Variants in PABIR3 observed in about 807,000 individuals in gnomAD.
PABIR3 encodes the protein PABIR family member 1.
In PABIR3, 20 loss-of-function variants were observed where a neutral mutation model predicts 23.1. The observed-to-expected ratio is 0.86, with a 90% CI of 0.61 to 1.26. The LOEUF (loss-of-function observed/expected upper bound fraction) is 1.26, where lower values mean the gene tolerates loss of function less well. Among genes scored for constraint, PABIR3 ranks in the 50% most tolerant of loss-of-function variants. The pLI is 0.00. For missense variants in PABIR3, 189 were observed against 195.4 expected (o/e 0.97, Z 0.20); for synonymous variants, 69 against 68.5 (o/e 1.01, Z -0.04).
chrX:134,819,064 G>A (rs1427562834), intron 3 of PABIR3, among the ~76,000 whole-genome samples: 1 of 106,044 alleles, frequency 9.4e-6, no homozygotes, highest in Non-Finnish European at 1.9e-5. Flanking sequence ...AGCCTCCTGA[G>A]TAGCTGGGAC....
chrX:134,864,324 C>A, the PABIR3 span, among the ~76,000 whole-genome samples: 4 of 111,494 alleles, frequency 3.6e-5, no homozygotes, highest in African/African-American at 1.3e-4. Context: ...TGTACCCGGC[C>A]TTATGCAGCT....
At position 134,829,249 on chromosome X, in the gene PABIR3, T is replaced by C. The variant is rs765462417; in HGVS notation, c.213T>C (p.His71=). The C allele has an allele frequency of 3.3e-6, 4 of 1,209,839 alleles. No homozygotes were observed. The South Asian group carries it at 7.0e-5, about 21-fold the overall frequency. ...RSLLLPPPPF[H]GSISRLHQIK... ...AGTTGTTGCCACCTCCTCCCTTTCA[T>C]GGTTCCATCAGCCGCCTTCATCAAA... is the stretch of plus-strand genomic sequence containing the variant. Residue 71 remains histidine, a synonymous_variant, in exon 4 of 11, where the codon CAT becomes CAC. Transcript: ENST00000645433.
chrX:134,835,969 C>T (rs1471245423), intron 4 of PABIR3, among the ~76,000 whole-genome samples: 1 of 112,001 alleles, frequency 8.9e-6, no homozygotes, highest in Non-Finnish European at 1.9e-5. Flanking sequence ...TCCCGAGTAG[C>T]TGGGACTACA....
chrX:134,816,093 A>G (rs2080964006), intron 3 of PABIR3, among the ~76,000 whole-genome samples: 1 of 112,239 alleles, frequency 8.9e-6, no homozygotes, highest in African/African-American at 3.2e-5. Flanking sequence ...GGTATATTAC[A>G]TTGATTTTTT....
upstream of PABIR3, chrX:134,804,191 C>G: frequency 8.7e-7 from 1 of 1,148,779 alleles, no homozygotes; most frequent in African/African-American, 1.8e-5. Context: ...AGCAGTGTCC[C>G]AAGATCATGG....
chrX:134,850,575 T>C (rs757467916), intron 9 of PABIR3, among the ~76,000 whole-genome samples: 3 of 112,235 alleles, frequency 2.7e-5, no homozygotes, highest in Non-Finnish European at 5.6e-5. Flanking sequence ...CAAGGGTCAA[T>C]TGAGTATTTA....
chrX:134,820,147 A>G (rs1479136673), intron 3 of PABIR3, among the ~76,000 whole-genome samples: 1 of 111,151 alleles, frequency 9.0e-6, no homozygotes, highest in African/African-American at 3.3e-5. Flanking sequence ...AAGCTCTTAT[A>G]TATATTTAAA....
intron 2 of PABIR3, among the ~76,000 whole-genome samples, chrX:134,812,482 G>A (rs1426456417): frequency 8.9e-6 from 1 of 112,020 alleles, no homozygotes; most frequent in East Asian, 2.8e-4. Context: ...GTTACTGCCT[G>A]TTATATGCAA....
At chrX:134,821,173 G>A (rs1218384189) in intron 3 of PABIR3, among the ~76,000 whole-genome samples, 1 of 98,382 alleles carries the variant, frequency 1.0e-5, no homozygotes, top group Non-Finnish European at 2.0e-5. Context: ...CTGTGACAGA[G>A]GGCATTGAAG....
At chrX:134,804,776 A>G (rs968916358), upstream of PABIR3, among the ~76,000 whole-genome samples, 7 of 112,464 alleles carry the variant, frequency 6.2e-5, no homozygotes, top group African/African-American at 1.9e-4. Flanking sequence ...TTTTTCTGTT[A>G]TTCAGACAAT....
At chrX:134,807,897 G>A (rs1426023530) in intron 2 of PABIR3, among the ~76,000 whole-genome samples, 189 bp downstream of exon 2, 1 of 111,103 alleles carries the variant, frequency 9.0e-6, no homozygotes, top group Non-Finnish European at 1.9e-5. Context: ...GAGGGGGAGC[G>A]CGCACCCACC....
At chrX:134,829,339 C>T in intron 4 of PABIR3, 57 bp downstream of exon 4, 2 of 1,004,178 alleles carry the variant, frequency 2.0e-6, no homozygotes, top group Non-Finnish European at 2.8e-6. Flanking sequence ...TTTTATTTTT[C>T]TTTGTGAAAA....
chrX:134,824,819 A>C (rs989522005), intron 3 of PABIR3, among the ~76,000 whole-genome samples: 2 of 112,012 alleles, frequency 1.8e-5, no homozygotes, highest in African/African-American at 3.2e-5. Flanking sequence ...AAAAAGAAAA[A>C]AGAAAAAAAA....
intron 10 of PABIR3, 138 bp downstream of exon 10, chrX:134,853,034 T>G (rs1019840172): frequency 7.2e-5 from 25 of 349,216 alleles, no homozygotes; most frequent in Non-Finnish European, 1.0e-4. Context: ...ATATTCCAAG[T>G]GGATACTATA....
chrX:134,824,993 G>A (rs1314660148), intron 3 of PABIR3, among the ~76,000 whole-genome samples: 1 of 111,016 alleles, frequency 9.0e-6, no homozygotes, highest in East Asian at 2.8e-4. Flanking sequence ...GTAATGATGT[G>A]CCAATGCAGG....
At chrX:134,818,500 C>A (rs771410009) in intron 3 of PABIR3, among the ~76,000 whole-genome samples, 1 of 111,819 alleles carries the variant, frequency 8.9e-6, no homozygotes. Context: ...TGCTGTCAAG[C>A]CGTCAAACAG....
At chrX:134,852,972 C>T (rs756942130) in intron 10 of PABIR3, 76 bp downstream of exon 10, 20 of 610,778 alleles carry the variant, frequency 3.3e-5, no homozygotes, top group South Asian at 9.3e-5. Flanking sequence ...GGCTATTGTA[C>T]GTATTCAGAA....
At chrX:134,814,680 C>T in intron 2 of PABIR3, 91 bp from the exon 3 acceptor site, 2 of 658,107 alleles carry the variant, frequency 3.0e-6, no homozygotes, top group Admixed American at 4.4e-5. Flanking sequence ...GCCTGGGCAA[C>T]AGAACAGAGC....
At chrX:134,853,017 A>G (rs2082690252) in intron 10 of PABIR3, 121 bp downstream of exon 10, 1 of 375,598 alleles carries the variant, frequency 2.7e-6, no homozygotes, top group Non-Finnish European at 4.3e-6. Context: ...TAGAAGTTTT[A>G]AAACTAATAT....
Sources: gnomAD v4.1 joint callset for allele counts (sites outside exome capture counted in the v4.1 genomes callset) on GRCh38, gnomAD v4.1.1 for gene constraint, MANE v1.5 for transcripts, NCBI Gene and HGNC (gene_info 2026-07-23, HGNC 2026-07-21) for gene names.